The following DCHS2 variants were observed in gnomAD, a reference collection of about 807,000 sequenced individuals.
DCHS2 encodes the protein protocadherin-23.
DCHS2 carries 142 observed loss-of-function variants against 182.4 expected under a neutral mutation model. The observed-to-expected ratio is 0.78, with a 90% confidence interval of 0.68 to 0.89. DCHS2 has a LOEUF of 0.89. Ranked by LOEUF, DCHS2 falls within the 40% of genes least tolerant of loss-of-function variation. The pLI, the probability that DCHS2 is intolerant of heterozygous loss-of-function variation, is 0.00. For missense variants in DCHS2, 4,319 were observed against 4,198.6 expected (o/e 1.03, Z -0.79); for synonymous variants, 1,740 against 1,663.3 (o/e 1.05, Z -1.12).
At chr4:154,365,646 C>A (rs1331557793) in intron 3 of DCHS2, among the ~76,000 whole-genome samples, 5 of 149,254 alleles carry the variant, frequency 3.3e-5, no homozygotes, top group Non-Finnish European at 7.4e-5. Flanking sequence ...GCCCAGATAA[C>A]AGTACTTTTT....
rs772566632 is a variant in DCHS2 at position 154,255,520 on chromosome 4, T to G, written c.6940A>C (p.Ser2314Arg). 6.2e-7 allele frequency: 1 copy of G among 1,613,294 alleles called. No individual in the cohort carries two copies. Among genetic ancestry groups the G allele is most frequent in the East Asian group, 2.2e-5 (1 of 44,830 alleles). ...AATGGATCTGAACCCTGGACCAACC[T>G]GTAGGAGCTGGTGAGCTCGTAATCT... ...ILDYELTSSY[S>R]LIVQATDKGM... The change falls in exon 16 of 20, where the codon AGC becomes CGC. Residue 2314 changes from serine (S) to arginine (R), a missense_variant and splice_region_variant. Ser to Arg is a moderately radical substitution (Grantham distance 110, BLOSUM62 -1). Coordinates refer to ENST00000357232, the MANE Select transcript of DCHS2 (RefSeq NM_001358235.2).
At chr4:154,379,539 C>T (rs1218988970) in intron 1 of DCHS2, among the ~76,000 whole-genome samples, 1 of 152,160 alleles carries the variant, frequency 6.6e-6, no homozygotes, top group Non-Finnish European at 1.5e-5. Context: ...GAAATGGCTA[C>T]CCAGTGCCAC....
intron 2 of DCHS2, among the ~76,000 whole-genome samples, chr4:154,367,376 C>A (rs1730432537): frequency 6.6e-6 from 1 of 152,192 alleles, no homozygotes; most frequent in East Asian, 1.9e-4. Flanking sequence ...AGGACAGGAG[C>A]AGTGCAGGTA....
chr4:154,428,017 A>C (rs1733402355), intron 1 of DCHS2, among the ~76,000 whole-genome samples: 1 of 152,224 alleles, frequency 6.6e-6, no homozygotes, highest in Admixed American at 6.5e-5. Flanking sequence ...GTCTGGAGCC[A>C]TGCCATGTGG....
intron 7 of DCHS2, among the ~76,000 whole-genome samples, chr4:154,326,192 A>T (rs2404705): frequency 0.81 from 122,717 of 152,174 alleles, 52,025 homozygotes; most frequent in South Asian, 0.94. Flanking sequence ...AGTCGTCACA[A>T]CAAGGAGTCT....
chr4:154,449,086 TAA>T (rs1734423580), intron 1 of DCHS2, among the ~76,000 whole-genome samples: 1 of 152,078 alleles, frequency 6.6e-6, no homozygotes, highest in Non-Finnish European at 1.5e-5. Flanking sequence ...GCACCAAAAA[TAA>T]AAGGTAGATT....
At chr4:154,323,113 A>G (rs1736140997) in intron 7 of DCHS2, 2 of 1,354,582 alleles carry the variant, frequency 1.5e-6, no homozygotes, top group East Asian at 5.0e-5. Context: ...AATAAACTGG[A>G]ACTTGTATCC....
At chr4:154,459,419 C>CA (rs1365505880) in intron 1 of DCHS2, among the ~76,000 whole-genome samples, 1 of 152,016 alleles carries the variant, frequency 6.6e-6, no homozygotes, top group Non-Finnish European at 1.5e-5. Context: ...AAAAAATCAT[C>CA]AAAAAATCCA....
chr4:154,274,908 CA>C (rs201955784), intron 13 of DCHS2, among the ~76,000 whole-genome samples: 3 of 151,114 alleles, frequency 2.0e-5, no homozygotes, highest in African/African-American at 7.3e-5. Flanking sequence ...AAAATAACAA[CA>C]AAAAAAACAG....
intron 10 of DCHS2, 151 bp from the exon 11 acceptor site, chr4:154,305,382 T>C: frequency 9.4e-7 from 1 of 1,064,524 alleles, no homozygotes; most frequent in Non-Finnish European, 1.3e-6. Flanking sequence ...AGAAAACCTC[T>C]TTTGGCTGTT....
chr4:154,295,592 T>C (rs1734886453), intron 13 of DCHS2, among the ~76,000 whole-genome samples: 1 of 152,238 alleles, frequency 6.6e-6, no homozygotes, highest in Non-Finnish European at 1.5e-5. Flanking sequence ...AATATAATTG[T>C]TATGTAACAA....
At chr4:154,250,782 T>A (rs935813582) in intron 16 of DCHS2, among the ~76,000 whole-genome samples, 7 of 152,220 alleles carry the variant, frequency 4.6e-5, no homozygotes, top group African/African-American at 1.4e-4. Context: ...TCTCTTGCAG[T>A]GCATCCATTA....
chr4:154,322,278 A>C lies in DCHS2; in HGVS notation c.4176+53T>G, dbSNP rs149321921. 1,704 of 1,607,756 alleles carry C rather than the reference A, an allele frequency of 1.1e-3. 18 individuals carry two copies. The African/African-American group carries it at 0.021, about 20-fold the overall frequency. ...TCTTCACTCTATAAACTTGTAATGA[A>C]AGTCAAATGAAATCTTTAGATGTCC... On this transcript the variant is annotated intron_variant, in intron 8 of 19. Coordinates refer to ENST00000357232, the MANE Select transcript of DCHS2 (RefSeq NM_001358235.2).
At chr4:154,478,909 A>T (rs1357267087) in intron 1 of DCHS2, among the ~76,000 whole-genome samples, 1 of 152,246 alleles carries the variant, frequency 6.6e-6, no homozygotes, top group East Asian at 1.9e-4. Context: ...CTCCACAACA[A>T]AACATACACA....
At chr4:154,456,632 CAG>C (rs1451303045) in intron 1 of DCHS2, among the ~76,000 whole-genome samples, 1 of 152,102 alleles carries the variant, frequency 6.6e-6, no homozygotes, top group Admixed American at 6.6e-5. Context: ...CACAAAAGAA[CAG>C]AGCATGAGAA....
chr4:154,343,748 C>T (rs1346472547), intron 3 of DCHS2: 2 of 1,114,634 alleles, frequency 1.8e-6, no homozygotes. Context: ...CTTTCTGACT[C>T]AGCAATGAGT....
At chr4:154,240,071 C>T (rs1731726036) in intron 18 of DCHS2, among the ~76,000 whole-genome samples, 1 of 152,096 alleles carries the variant, frequency 6.6e-6, no homozygotes. Context: ...GAATGCTATC[C>T]TTGCCCTTAC....
chr4:154,388,494 A>ATTTTTT (rs35945131), intron 1 of DCHS2, among the ~76,000 whole-genome samples: 3 of 130,678 alleles, frequency 2.3e-5, no homozygotes, highest in Non-Finnish European at 3.2e-5. Context: ...AATAGATGTA[A>ATTTTTT]TTTTTTTTTT....
At chr4:154,267,193 CATCA>C (rs1365948765) in intron 14 of DCHS2, among the ~76,000 whole-genome samples, 10 of 152,198 alleles carry the variant, frequency 6.6e-5, no homozygotes, top group Non-Finnish European at 1.3e-4. Flanking sequence ...TTATGATCTG[CATCA>C]ATCAATTAGT....
Sources: allele counts gnomAD v4.1 joint callset (sites outside exome capture counted in the v4.1 genomes callset), GRCh38; gene constraint gnomAD v4.1.1; transcripts MANE v1.5; gene names NCBI Gene and HGNC (gene_info 2026-07-23, HGNC 2026-07-21).